Variants in JADE1 observed in about 807,000 individuals in gnomAD.
JADE1 encodes jade family PHD finger 1.
In JADE1, 14 loss-of-function variants were observed where a neutral mutation model predicts 81.8. The observed-to-expected ratio is 0.17, with a 90% confidence interval of 0.11 to 0.27. The LOEUF is 0.27. Ranked by LOEUF, JADE1 falls within the 10% of genes least tolerant of loss-of-function variation. The pLI is 1.00. For synonymous variants in JADE1, 353 were observed against 391.9 expected, an observed-to-expected ratio of 0.90 and a Z score of 1.17; for missense variants, 690 against 1,047.9, an observed-to-expected ratio of 0.66 and a Z score of 4.71.
intron 10 of JADE1, among the ~76,000 whole-genome samples, chr4:128,868,834 A>C (rs1210295528): frequency 1.3e-5 from 2 of 152,200 alleles, no homozygotes; most frequent in Non-Finnish European, 2.9e-5. Flanking sequence ...GGTAGGTCTT[A>C]GACTGGACTT....
At chr4:128,821,691 T>G (rs1187467754) in intron 1 of JADE1, among the ~76,000 whole-genome samples, 2 of 152,064 alleles carry the variant, frequency 1.3e-5, no homozygotes, top group African/African-American at 4.8e-5. Context: ...TGGCTAATTT[T>G]TGTATTTTTA....
At chr4:128,813,176 C>G (rs1480412551) in intron 1 of JADE1, among the ~76,000 whole-genome samples, 1 of 152,144 alleles carries the variant, frequency 6.6e-6, no homozygotes, top group Non-Finnish European at 1.5e-5. Flanking sequence ...CATATCACAA[C>G]TGATCAAGAT....
At chr4:128,813,536 A>G (rs1161152690) in intron 1 of JADE1, among the ~76,000 whole-genome samples, 1 of 150,744 alleles carries the variant, frequency 6.6e-6, no homozygotes, top group Admixed American at 6.7e-5. Flanking sequence ...CTCCTGCCTC[A>G]GCCCCCTGAG....
At chr4:128,811,723 C>A (rs1360152678) in intron 1 of JADE1, 1 of 148,108 alleles carries the variant, frequency 6.8e-6, no homozygotes, top group Non-Finnish European at 1.5e-5. Flanking sequence ...GCTGCGCCCC[C>A]GCCCCGGGAA....
chr4:128,826,534 T>G (rs532136067), intron 1 of JADE1, among the ~76,000 whole-genome samples: 22 of 148,224 alleles, frequency 1.5e-4, no homozygotes, highest in Admixed American at 1.1e-3. Context: ...ATTTTTGTGT[T>G]TTTTTTTTTT....
At chr4:128,829,674 G>A (rs960229612) in intron 1 of JADE1, among the ~76,000 whole-genome samples, 5 of 152,222 alleles carry the variant, frequency 3.3e-5, no homozygotes, top group African/African-American at 1.2e-4. Flanking sequence ...GTAAAGGGAA[G>A]GAGACTTCAC....
chr4:128,849,024 A>G lies in JADE1; in HGVS notation c.341A>G (p.Lys114Arg). Residue 114 changes from lysine to arginine, a missense_variant, in exon 5 of 11, where the codon AAG (lysine) becomes AGG (arginine). Physicochemically the swap from Lys to Arg is conservative, Grantham distance 26. Coordinates refer to ENST00000226319, the MANE Select transcript of JADE1 (RefSeq NM_199320.4). ...TCCCTCATGTTCATCAGGCCCAAGA[A>G]GTACATCGTGTCATCAGGCTCTGAG... ...EKSLMFIRPK[K>R]YIVSSGSEPP... The G allele has an allele frequency of 6.2e-7, 1 of 1,614,070 alleles. No homozygotes were observed. The highest frequency in any genetic ancestry group is 8.5e-7 in the Non-Finnish European group (1 of 1,179,998).
chr4:128,863,771 C>T, intron 9 of JADE1: 1 of 985,382 alleles, frequency 1.0e-6, no homozygotes, highest in Non-Finnish European at 1.2e-6. Context: ...AACTGGAATC[C>T]TGGTAAGAAG....
At chr4:128,817,394 T>A (rs73846991) in intron 1 of JADE1, among the ~76,000 whole-genome samples, 5,430 of 152,244 alleles carry the variant, frequency 0.036, 272 homozygotes, top group African/African-American at 0.11. Flanking sequence ...GATTTTATTA[T>A]TTTGAGAATT....
chr4:128,866,246 A>G (rs990954594), intron 9 of JADE1, among the ~76,000 whole-genome samples: 1 of 152,240 alleles, frequency 6.6e-6, no homozygotes, highest in African/African-American at 2.4e-5. Context: ...ACTATGAGAC[A>G]GGGAGAGTGT....
At chr4:128,850,493 GTGT>G (rs1044295508) in intron 5 of JADE1, among the ~76,000 whole-genome samples, 7 of 152,156 alleles carry the variant, frequency 4.6e-5, no homozygotes, top group African/African-American at 1.7e-4. Flanking sequence ...GCTGAGCATG[GTGT>G]TGTCTTCTAC....
intron 1 of JADE1, among the ~76,000 whole-genome samples, chr4:128,826,117 C>T (rs1302474300): frequency 2.6e-5 from 4 of 152,202 alleles, no homozygotes; most frequent in African/African-American, 4.8e-5. Context: ...TATTATGTTT[C>T]TCGTGGCAAG....
At position 128,862,178 on chromosome 4, in the gene JADE1, T is replaced by C. The variant is rs1201095331; in HGVS notation, c.1456T>C (p.Phe486Leu). Residue 486 changes from phenylalanine to leucine, a missense_variant, in exon 9 of 11, where the codon TTT becomes CTT. By Grantham distance (22) the Phe-to-Leu change is conservative (BLOSUM62 0). Transcript: ENST00000226319. ...AGCCAAGCGGGAGCAGGATGTCTTA[T>C]TTAGGAGGCTGCAGCTGTTCACGCA... ...NLAKREQDVLFRRLQLFTHLR... is the reference protein window; with the variant it reads ...NLAKREQDVLLRRLQLFTHLR... 1.9e-6 allele frequency: 3 copies of C among 1,614,014 alleles called. No individual in the cohort carries two copies. The African/African-American group carries it at 4.0e-5, about 22-fold the overall frequency.
chr4:128,849,873 C>G (rs1730199106), intron 5 of JADE1, among the ~76,000 whole-genome samples: 1 of 152,144 alleles, frequency 6.6e-6, no homozygotes, highest in African/African-American at 2.4e-5. Context: ...TCTTGATGAA[C>G]AAGACAGTGG....
intron 1 of JADE1, among the ~76,000 whole-genome samples, chr4:128,814,362 G>A (rs1421107746): frequency 6.6e-6 from 1 of 152,140 alleles, no homozygotes; most frequent in Non-Finnish European, 1.5e-5. Flanking sequence ...ATTAATTTTT[G>A]ACTTTAGCTG....
At chr4:128,814,952 C>G (rs1487808941) in intron 1 of JADE1, among the ~76,000 whole-genome samples, 2 of 152,072 alleles carry the variant, frequency 1.3e-5, no homozygotes, top group African/African-American at 2.4e-5. Context: ...CATTTAGCCC[C>G]AGACTGTAAT....
chr4:128,849,091 C>T lies in JADE1; in HGVS notation c.408C>T (p.Asp136=). 6.2e-7 allele frequency: 1 copy of T among 1,614,140 alleles called. No individual in the cohort carries two copies. The highest frequency in any genetic ancestry group is 8.5e-7 in the Non-Finnish European group (1 of 1,180,046). Residue 136 remains aspartate (D), a synonymous_variant, in exon 5 of 11, where the codon GAC becomes GAT. Transcript: ENST00000226319. ...ATGTGGACATCCGGACGCTGGCTGACAGCGTGTGTCGCTATGACCTCAATG... is the reference window on the plus strand; with the variant it reads ...ATGTGGACATCCGGACGCTGGCTGATAGCGTGTGTCGCTATGACCTCAATG... The part of the protein sequence containing the change: ...LGYVDIRTLA[D]SVCRYDLNDM...
chr4:128,865,990 A>G (rs1731751163), intron 9 of JADE1, among the ~76,000 whole-genome samples: 1 of 152,146 alleles, frequency 6.6e-6, no homozygotes, highest in African/African-American at 2.4e-5. Context: ...TTAATGTAAA[A>G]ATGGTTCTGT....
At chr4:128,812,059 G>C (rs1263870737) in intron 1 of JADE1, 1 of 152,028 alleles carries the variant, frequency 6.6e-6, no homozygotes, top group Non-Finnish European at 1.5e-5. Flanking sequence ...GGGAGCGTTT[G>C]ATTTGCAACT....
Sources: gnomAD v4.1 joint callset for allele counts (sites outside exome capture counted in the v4.1 genomes callset) on GRCh38, gnomAD v4.1.1 for gene constraint, MANE v1.5 for transcripts, NCBI Gene and HGNC (gene_info 2026-07-23, HGNC 2026-07-21) for gene names.